ZNF234: variants seen among roughly 807,000 people sequenced by gnomAD.
ZNF234 encodes the protein C2-H2 type zinc finger protein.
Under a neutral mutation model 10.3 loss-of-function variants are expected in ZNF234, and 4 were observed. The observed-to-expected ratio is 0.39, with a 90% confidence interval of 0.19 to 0.89. The LOEUF is 0.89. Among genes scored for constraint, ZNF234 ranks in the 40% least tolerant of loss-of-function variants. ZNF234 has a pLI of 0.38. For missense variants in ZNF234, 711 were observed against 836.1 expected (o/e 0.85, Z 1.85); for synonymous variants, 258 against 280.1 (o/e 0.92, Z 0.79).
intron 5 of ZNF234, among the ~76,000 whole-genome samples, chr19:44,152,952 C>T (rs1023211781): frequency 6.6e-6 from 1 of 151,798 alleles, no homozygotes; most frequent in Admixed American, 6.6e-5. Flanking sequence ...AATGTAGTAG[C>T]CATTAAGCAT....
In ZNF234 at chr19:44,156,706, A is replaced by G. The variant is rs1802831856; in HGVS notation, c.690A>G (p.Lys230=). The G allele has an allele frequency of 6.2e-7, 1 of 1,614,166 alleles. No homozygotes were observed. Among genetic ancestry groups the G allele is most frequent in the Non-Finnish European group, 8.5e-7 (1 of 1,180,020 alleles). ...ATCAGAGAGTCCACACTGTAGAGAA[A>G]CCATTCAAATGTGTGGAATGTGGGA... ...QTHQRVHTVE[K]PFKCVECGKG... The change falls in exon 6 of 6, where the codon AAA becomes AAG. Residue 230 remains lysine (K), a synonymous_variant. Transcript: ENST00000426739.
Position 44,142,373 on chromosome 19 carries a change from T to A in ZNF234, c.-77+6T>A, listed in dbSNP as rs979794376. ...TACTGAAAGCAAAGCTCCACGTGAGTGTGACTTGTCATTTTTCTTTTACAG... is the reference window on the plus strand; with the variant it reads ...TACTGAAAGCAAAGCTCCACGTGAGAGTGACTTGTCATTTTTCTTTTACAG... On this transcript the variant is annotated splice_donor_region_variant and intron_variant, in intron 2 of 5. Transcript: ENST00000426739. 2.0e-5 allele frequency: 3 copies of A among 152,478 alleles called. No individual in the cohort carries two copies. The highest frequency in any genetic ancestry group is 7.2e-5 in the African/African-American group (3 of 41,452). 9.4% of individuals were successfully genotyped at this position (152,478 alleles called of 1,614,324 possible).
chr19:44,148,656 A>G (rs1568549982), intron 3 of ZNF234, 115 bp from the exon 4 acceptor site: 8 of 1,429,288 alleles, frequency 5.6e-6, no homozygotes, highest in East Asian at 2.3e-5. Context: ...AAATCTACAC[A>G]TTAAGTCTCT....
In ZNF234 at chr19:44,158,229, G is replaced by C; in HGVS notation, c.*110G>C. The C allele has an allele frequency of 1.7e-6, 2 of 1,189,942 alleles. No homozygotes were observed. Among genetic ancestry groups the C allele is most frequent in the Middle Eastern group, 2.1e-4 (1 of 4,838 alleles). 73.7% of individuals were successfully genotyped at this position (1,189,942 alleles called of 1,614,324 possible). A position where few individuals can be genotyped will look rare whatever the true frequency, so the allele number is the denominator to read the frequency against. ...TCTTTGAATTTATTTGATTTGTAACGCTCCACATTTCCACCTAGACTTTTT... is the reference window on the plus strand; with the variant it reads ...TCTTTGAATTTATTTGATTTGTAACCCTCCACATTTCCACCTAGACTTTTT... On this transcript the variant is annotated 3_prime_UTR_variant, in exon 6 of 6. Coordinates refer to ENST00000426739, the MANE Select transcript of ZNF234 (RefSeq NM_006630.3).
At chr19:44,144,443 G>A in intron 2 of ZNF234, 114 bp from the exon 3 acceptor site, 3 of 425,838 alleles carry the variant, frequency 7.0e-6, no homozygotes, top group East Asian at 3.5e-5. Flanking sequence ...TGCAGTTTGG[G>A]ATTATTATGA....
intron 3 of ZNF234, among the ~76,000 whole-genome samples, chr19:44,147,061 G>T (rs1433663838): frequency 6.6e-6 from 1 of 151,540 alleles, no homozygotes; most frequent in African/African-American, 2.4e-5. Flanking sequence ...TGATCCACCT[G>T]CCTCGGCCTC....
chr19:44,146,461 T>TG (rs1968594884), intron 3 of ZNF234, among the ~76,000 whole-genome samples: 1 of 152,168 alleles, frequency 6.6e-6, no homozygotes, highest in African/African-American at 2.4e-5. Flanking sequence ...TACTAATAAG[T>TG]GGTTCATTCA....
intron 3 of ZNF234, among the ~76,000 whole-genome samples, chr19:44,148,416 C>T (rs577149173): frequency 1.4e-4 from 22 of 152,280 alleles, no homozygotes; most frequent in African/African-American, 5.3e-4. Flanking sequence ...TGGGTGTTAT[C>T]ATGTATGTTG....
At chr19:44,154,758 A>G (rs1024884468) in intron 5 of ZNF234, among the ~76,000 whole-genome samples, 2 of 151,492 alleles carry the variant, frequency 1.3e-5, no homozygotes, top group Middle Eastern at 3.4e-3. Context: ...CAGCCTCCCA[A>G]ATAGTGTTAA....
chr19:44,145,142 C>T (rs1968559911), intron 3 of ZNF234, among the ~76,000 whole-genome samples: 1 of 152,108 alleles, frequency 6.6e-6, no homozygotes, highest in Non-Finnish European at 1.5e-5. Flanking sequence ...GAACAGTTCT[C>T]CTACTTTACT....
intron 3 of ZNF234, among the ~76,000 whole-genome samples, chr19:44,145,317 T>C (rs563313742): frequency 6.6e-6 from 1 of 152,360 alleles, no homozygotes; most frequent in African/African-American, 2.4e-5. Flanking sequence ...ATTTAATTAA[T>C]GTGCCTTTTT....
At chr19:44,151,539 A>G (rs898952073) in intron 5 of ZNF234, among the ~76,000 whole-genome samples, 19 of 152,106 alleles carry the variant, frequency 1.2e-4, no homozygotes, top group African/African-American at 4.1e-4. Context: ...TATTACCCCA[A>G]ACTGAGTGGA....
intron 4 of ZNF234, among the ~76,000 whole-genome samples, chr19:44,149,248 T>A (rs1968676780): frequency 6.6e-6 from 1 of 152,094 alleles, no homozygotes. Flanking sequence ...GAGACCAGCC[T>A]GGCCAACATG....
In ZNF234 at chr19:44,158,083, CAGAG is replaced by C. The variant is rs746551801; in HGVS notation, c.2070_2073del (p.Arg690SerfsTer12). 3 of 1,605,538 alleles carry C rather than the reference CAGAG, an allele frequency of 1.9e-6. No individual in the cohort carries two copies. Among genetic ancestry groups the C allele is most frequent in the South Asian group, 1.1e-5 (1 of 90,242 alleles). On this transcript the variant is annotated frameshift_variant, in exon 6 of 6. Transcript: ENST00000426739. LOFTEE classifies it low-confidence loss of function (END_TRUNC). ...AAAATGATGAGAATAGTAAGAACAT[CAGAG>C]AGTTGTCAGAGGGAGGAAGTTCTAC... is the stretch of plus-strand genomic sequence containing the variant.
At chr19:44,148,942 T>G in intron 4 of ZNF234, 45 bp downstream of exon 4, 1 of 1,580,036 alleles carries the variant, frequency 6.3e-7, no homozygotes, top group South Asian at 1.2e-5. Context: ...TCTCTTGGAG[T>G]GATTTTGTGT....
intron 5 of ZNF234, 124 bp from the exon 6 acceptor site, chr19:44,156,128 G>T (rs768122580): frequency 2.4e-6 from 2 of 835,920 alleles, no homozygotes; most frequent in Non-Finnish European, 3.7e-6. Context: ...ATACACAGTG[G>T]AAAAGACCAT....
Position 44,157,062 on chromosome 19 carries a change from G to A in ZNF234, c.1046G>A (p.Cys349Tyr). 6.2e-7 allele frequency: 1 copy of A among 1,614,200 alleles called. No homozygotes were observed. The highest frequency in any genetic ancestry group is 1.1e-5 in the South Asian group (1 of 91,090). ...TGEKPYKCEECGKCFIQPSQF... is the reference protein window; with the variant it reads ...TGEKPYKCEEYGKCFIQPSQF... ...GAGAAACCTTACAAGTGTGAAGAAT[G>A]TGGTAAGTGCTTTATTCAGCCTTCA... is the stretch of plus-strand genomic sequence containing the variant. The change falls in exon 6 of 6, where the codon TGT (cysteine) becomes TAT (tyrosine). Residue 349 changes from cysteine to tyrosine, a missense_variant. By Grantham distance (194) the Cys-to-Tyr change is radical (BLOSUM62 -2). Coordinates refer to ENST00000426739, the MANE Select transcript of ZNF234 (RefSeq NM_006630.3).
intron 5 of ZNF234, among the ~76,000 whole-genome samples, chr19:44,152,217 T>C (rs1003361296): frequency 1.3e-5 from 2 of 152,182 alleles, no homozygotes; most frequent in African/African-American, 4.8e-5. Flanking sequence ...GCTTGTCCCC[T>C]CTCTCTCCCC....
rs1968999605 is a variant in ZNF234 at position 44,160,310 on chromosome 19, C to T, written c.*2191C>T. 1.3e-5 allele frequency: 2 copies of T among 152,284 alleles called. No homozygotes were observed. The highest frequency in any genetic ancestry group is 3.9e-4 in the East Asian group (2 of 5,180). The allele number at this position is 152,284 out of a possible 1,614,324, so 9.4% of individuals were successfully genotyped here. On this transcript the variant is annotated 3_prime_UTR_variant, in exon 6 of 6. Transcript: ENST00000426739. ...TTAAAATACCAAAAAGACTAAGTAACATATCAGTGATGTCAATGAATTGTT... is the reference window on the plus strand; with the variant it reads ...TTAAAATACCAAAAAGACTAAGTAATATATCAGTGATGTCAATGAATTGTT...
Sources: allele counts gnomAD v4.1 joint callset (sites outside exome capture counted in the v4.1 genomes callset), GRCh38; gene constraint gnomAD v4.1.1; transcripts MANE v1.5; gene names NCBI Gene and HGNC (gene_info 2026-07-23, HGNC 2026-07-21).